The following ERRFI1 variants were observed in gnomAD, a reference collection of about 807,000 sequenced individuals.
The protein encoded by ERRFI1 is mitogen-inducible gene 6 protein.
In ERRFI1, 12 loss-of-function variants were observed where a neutral mutation model predicts 14.6. That is an observed-to-expected ratio of 0.82 (90% CI 0.53 to 1.33). The LOEUF (loss-of-function observed/expected upper bound fraction) is 1.33, where lower values mean the gene tolerates loss of function less well. Among genes scored for constraint, ERRFI1 ranks in the 40% most tolerant of loss-of-function variants. The pLI is 0.00. For synonymous variants in ERRFI1, 202 were observed against 209.9 expected (o/e 0.96, Z 0.32); for missense variants, 482 against 572.1 (o/e 0.84, Z 1.61).
chr1:8,025,888 C>T (rs1459952972), intron 1 of ERRFI1, among the ~76,000 whole-genome samples: 1 of 152,098 alleles, frequency 6.6e-6, no homozygotes, highest in African/African-American at 2.4e-5. Context: ...AGGCGGCGGG[C>T]GCCGGCACTT....
rs1641092640 is a variant in ERRFI1 at position 8,012,062 on chromosome 1, G to C, written c.*1148C>G. ...GTGAAAATCGGAACACCAACTATGT[G>C]TCTCACTGCATCTAAGTGAAGCAGC... On this transcript the variant is annotated 3_prime_UTR_variant, in exon 4 of 4. Coordinates refer to ENST00000377482, the MANE Select transcript of ERRFI1 (RefSeq NM_018948.4). 1 of 230,318 alleles carries C rather than the reference G, an allele frequency of 4.3e-6. No individual in the cohort carries two copies. The highest frequency in any genetic ancestry group is 8.6e-6 in the Non-Finnish European group (1 of 115,994). 14.3% of individuals were successfully genotyped at this position (230,318 alleles called of 1,614,324 possible).
chr1:8,024,003 TG>T (rs1442588476), intron 1 of ERRFI1, among the ~76,000 whole-genome samples: 1 of 152,202 alleles, frequency 6.6e-6, no homozygotes, highest in Non-Finnish European at 1.5e-5. Flanking sequence ...AGAGCAGAGT[TG>T]TTTCTCTGGC....
chr1:8,015,326 C>G lies in ERRFI1; in HGVS notation c.184G>C (p.Glu62Gln), dbSNP rs1257452059. The change falls in exon 3 of 4, where the codon GAG becomes CAG. Residue 62 changes from glutamate to glutamine, a missense_variant. Coordinates refer to ENST00000377482, the MANE Select transcript of ERRFI1 (RefSeq NM_018948.4). ...TACATACCAAGTGGTATTAGGCGCT[C>G]CTGAGCAGAAGAGTTCAGACTGTAG... ...MAYSLNSSAQERLIPLGHASK... is the reference protein window; with the variant it reads ...MAYSLNSSAQQRLIPLGHASK... 6.2e-7 allele frequency: 1 copy of G among 1,614,130 alleles called. No homozygotes were observed. The highest frequency in any genetic ancestry group is 1.7e-5 in the Admixed American group (1 of 60,028).
intron 1 of ERRFI1, among the ~76,000 whole-genome samples, chr1:8,018,874 G>A (rs1389618609): frequency 6.6e-6 from 1 of 152,130 alleles, no homozygotes; most frequent in Non-Finnish European, 1.5e-5. Context: ...CTCCAGCCTG[G>A]CTCAAGCTTC....
intron 3 of ERRFI1, chr1:8,014,724 A>G: frequency 3.3e-6 from 1 of 304,512 alleles, no homozygotes; most frequent in Non-Finnish European, 6.1e-6. Context: ...CATGAATACC[A>G]TACTGTACCA....
intron 1 of ERRFI1, among the ~76,000 whole-genome samples, chr1:8,020,543 A>C (rs543467984): frequency 1.4e-4 from 20 of 145,148 alleles, no homozygotes; most frequent in South Asian, 1.3e-3. Context: ...AACAAACAAA[A>C]AAACACCAAT....
intron 1 of ERRFI1, among the ~76,000 whole-genome samples, chr1:8,023,730 A>AC (rs919797570): frequency 4.0e-5 from 6 of 151,876 alleles, no homozygotes; most frequent in Admixed American, 2.6e-4. Flanking sequence ...TGAAATCTGA[A>AC]CCCCCCTCAG....
Position 8,013,231 on chromosome 1 carries a change from T to C in ERRFI1, c.1368A>G (p.Leu456=). 6.2e-7 allele frequency: 1 copy of C among 1,612,994 alleles called. No homozygotes were observed. Among genetic ancestry groups the C allele is most frequent in the East Asian group, 2.2e-5 (1 of 44,880 alleles). ...DLGGHVKRKH[L]SYVVSP ...AGGTCTAAGGAGAAACCACATAGGA[T>C]AAATGTTTACGCTTCACGTGGCCAC... Residue 456 remains leucine (L), a synonymous_variant, in exon 4 of 4, where the codon TTA becomes TTG. Coordinates refer to ENST00000377482, the MANE Select transcript of ERRFI1 (RefSeq NM_018948.4). This position sits in a 1 kb window ranked among gnomAD's most constrained non-coding sequence, Gnocchi z 4.3.
At chr1:8,021,917 G>A (rs535463523) in intron 1 of ERRFI1, among the ~76,000 whole-genome samples, 1 of 152,238 alleles carries the variant, frequency 6.6e-6, no homozygotes, top group South Asian at 2.1e-4. Context: ...CTGTCCCTAC[G>A]GCTTTTTAAA....
chr1:8,017,315 A>T (rs1004745475), intron 1 of ERRFI1, among the ~76,000 whole-genome samples: 4 of 152,180 alleles, frequency 2.6e-5, no homozygotes, highest in Admixed American at 6.5e-5. Context: ...TTCCACAGTC[A>T]GCTGTTCTAC....
At chr1:8,019,145 T>C (rs1365805481) in intron 1 of ERRFI1, among the ~76,000 whole-genome samples, 3 of 152,186 alleles carry the variant, frequency 2.0e-5, no homozygotes, top group Non-Finnish European at 4.4e-5. Context: ...TCATTCTTCC[T>C]GGGGTCTGGC....
intron 1 of ERRFI1, among the ~76,000 whole-genome samples, chr1:8,021,976 G>A (rs1336081522): frequency 6.6e-6 from 1 of 152,190 alleles, no homozygotes; most frequent in Non-Finnish European, 1.5e-5. Context: ...TGTAAGGGTA[G>A]CACAGATCCT....
At chr1:8,025,774 G>A (rs973964102) in intron 1 of ERRFI1, among the ~76,000 whole-genome samples, 5 of 152,166 alleles carry the variant, frequency 3.3e-5, no homozygotes, top group Admixed American at 2.0e-4. Context: ...CCGAACCCCC[G>A]TCCGCTCCTG....
intron 1 of ERRFI1, among the ~76,000 whole-genome samples, chr1:8,018,025 T>G (rs2124070521): frequency 6.6e-6 from 1 of 152,338 alleles, no homozygotes. Context: ...AAAAGAATTG[T>G]GTTCACTAAG....
chr1:8,012,950 A>G lies in ERRFI1; in HGVS notation c.*260T>C. 4.2e-6 allele frequency: 2 copies of G among 475,988 alleles called. No homozygotes were observed. Among genetic ancestry groups the G allele is most frequent in the South Asian group, 3.1e-5 (1 of 32,298 alleles). 29.5% of individuals were successfully genotyped at this position (475,988 alleles called of 1,614,324 possible). ...ATATAGGTATGTAATGTATGCATAT[A>G]TAAAAAGCTTCCCCATCCTCCCCTC... On this transcript the variant is annotated 3_prime_UTR_variant, in exon 4 of 4. Transcript: ENST00000377482.
chr1:8,016,302 A>G (rs1337718051), intron 1 of ERRFI1, among the ~76,000 whole-genome samples: 2 of 152,228 alleles, frequency 1.3e-5, no homozygotes, highest in African/African-American at 4.8e-5. Context: ...AGGAACAAAC[A>G]GTAATATATG....
chr1:8,012,282 C>A lies in ERRFI1; in HGVS notation c.*928G>T. 4.3e-6 allele frequency: 1 copy of A among 230,486 alleles called. No individual in the cohort carries two copies. Among genetic ancestry groups the A allele is most frequent in the Non-Finnish European group, 8.6e-6 (1 of 116,148 alleles). 14.3% of individuals were successfully genotyped at this position (230,486 alleles called of 1,614,324 possible). ...AGTCTAAAAAAAAAAAGCAAAACCA[C>A]AACACACATCCCCAAACAATAACTC... is the stretch of plus-strand genomic sequence containing the variant. On this transcript the variant is annotated 3_prime_UTR_variant, in exon 4 of 4. Transcript: ENST00000377482.
At chr1:8,020,804 C>CA (rs1254259880) in intron 1 of ERRFI1, among the ~76,000 whole-genome samples, 1 of 152,146 alleles carries the variant, frequency 6.6e-6, no homozygotes, top group Non-Finnish European at 1.5e-5. Context: ...CTCGGCCTCC[C>CA]AAAGTGCTGA....
Position 8,012,907 on chromosome 1 carries a change from G to A in ERRFI1, c.*303C>T. ...GGTTAACCTGCAGCTATGGTCTATG[G>A]TTATACCACAAGTTTATATATAGGT... is the stretch of plus-strand genomic sequence containing the variant. On this transcript the variant is annotated 3_prime_UTR_variant, in exon 4 of 4. Coordinates refer to ENST00000377482, the MANE Select transcript of ERRFI1 (RefSeq NM_018948.4). 1 of 357,354 alleles carries A rather than the reference G, an allele frequency of 2.8e-6. No individual in the cohort carries two copies. Among genetic ancestry groups the A allele is most frequent in the Non-Finnish European group, 5.1e-6 (1 of 197,648 alleles). The allele number at this position is 357,354 out of a possible 1,614,324, so 22.1% of individuals were successfully genotyped here. A position where few individuals can be genotyped will look rare whatever the true frequency, so the allele number is the denominator to read the frequency against.
Sources: allele counts gnomAD v4.1 joint callset (sites outside exome capture counted in the v4.1 genomes callset), GRCh38; gene constraint gnomAD v4.1.1; non-coding constraint Gnocchi (gnomAD v3.1); transcripts MANE v1.5; gene names NCBI Gene and HGNC (gene_info 2026-07-23, HGNC 2026-07-21).